PRDM5: variants seen among roughly 807,000 people sequenced by gnomAD.
PRDM5 encodes PR domain zinc finger protein 5.
A neutral mutation model predicts 81.2 loss-of-function variants in PRDM5; 56 were observed. The observed-to-expected ratio is 0.69, with a 90% CI of 0.56 to 0.86. The LOEUF is 0.86. PRDM5 is among the 40% of genes least tolerant of loss of function. PRDM5 has a pLI of 0.00. For missense variants in PRDM5, 697 were observed against 770.1 expected (o/e 0.91, Z 1.12); for synonymous variants, 267 against 256.4 (o/e 1.04, Z -0.39).
intron 13 of PRDM5, among the ~76,000 whole-genome samples, chr4:120,758,759 CTT>C (rs770892664): frequency 4.9e-5 from 7 of 143,746 alleles, no homozygotes; most frequent in Admixed American, 7.0e-5. Flanking sequence ...TCATCCTACT[CTT>C]TTTTTTTTTT....
chr4:120,804,313 T>C (rs1752579302), intron 8 of PRDM5, among the ~76,000 whole-genome samples: 1 of 151,580 alleles, frequency 6.6e-6, no homozygotes, highest in Non-Finnish European at 1.5e-5. Context: ...TTAAAAAGGA[T>C]ATCCAGGAAT....
intron 14 of PRDM5, among the ~76,000 whole-genome samples, chr4:120,748,426 C>G (rs1743466164): frequency 6.6e-6 from 1 of 152,060 alleles, no homozygotes; most frequent in Non-Finnish European, 1.5e-5. Flanking sequence ...AAAAGATCAC[C>G]TAAGCCTAGG....
At position 120,721,641 on chromosome 4, in the gene PRDM5, A is replaced by T. The variant is rs1054263238; in HGVS notation, c.1624-11228T>A. On this transcript the variant is annotated intron_variant, in intron 14 of 15. Transcript: ENST00000264808. ...AGACTGTTTTCCCATTAAGTTGTTA[A>T]GCAATGCTGCAAATTTGCTATGGTT... 1.2e-4 allele frequency among the ~76,000 whole-genome samples: 19 copies of T among 152,380 alleles called. 1 individual carries two copies. The highest frequency in any genetic ancestry group is 6.2e-4 in the South Asian group (3 of 4,832).
intron 8 of PRDM5, among the ~76,000 whole-genome samples, chr4:120,807,071 T>G (rs1226861504): frequency 1.3e-5 from 2 of 152,094 alleles, no homozygotes; most frequent in Admixed American, 1.3e-4. Flanking sequence ...AAAGAAGAGA[T>G]TTATGTAGCC....
At chr4:120,852,781 G>A in intron 3 of PRDM5, among the ~76,000 whole-genome samples, 1 of 142,386 alleles carries the variant, frequency 7.0e-6, no homozygotes, top group African/African-American at 2.6e-5. Context: ...TTAAAAAAAG[G>A]ATATATAAGG....
intron 3 of PRDM5, among the ~76,000 whole-genome samples, chr4:120,826,927 C>T (rs371165503): frequency 2.0e-5 from 3 of 152,042 alleles, no homozygotes; most frequent in Admixed American, 6.5e-5. Context: ...CTTACAGATT[C>T]GAAACAAAAC....
intron 13 of PRDM5, among the ~76,000 whole-genome samples, chr4:120,759,609 G>T (rs1365446030): frequency 6.6e-6 from 1 of 152,130 alleles, no homozygotes; most frequent in East Asian, 1.9e-4. Flanking sequence ...ATGTTTCTAG[G>T]AAATATTTTC....
At chr4:120,721,973 C>T (rs1340578162) in intron 14 of PRDM5, among the ~76,000 whole-genome samples, 3 of 152,128 alleles carry the variant, frequency 2.0e-5, no homozygotes, top group Non-Finnish European at 2.9e-5. Flanking sequence ...CAGAGTTGTC[C>T]GTCTTTGCAG....
At chr4:120,863,470 C>G (rs1760868047) in intron 2 of PRDM5, among the ~76,000 whole-genome samples, 1 of 152,030 alleles carries the variant, frequency 6.6e-6, no homozygotes, top group Non-Finnish European at 1.5e-5. Flanking sequence ...ACAAGGTGAA[C>G]TTAGTTCCAT....
intron 2 of PRDM5, among the ~76,000 whole-genome samples, chr4:120,871,573 G>A (rs926390098): frequency 6.6e-6 from 1 of 152,090 alleles, no homozygotes; most frequent in African/African-American, 2.4e-5. Flanking sequence ...CAAAATGTCC[G>A]TATAAAATCA....
intron 2 of PRDM5, among the ~76,000 whole-genome samples, chr4:120,899,132 G>A (rs1561657448): frequency 6.6e-6 from 1 of 151,942 alleles, no homozygotes; most frequent in East Asian, 1.9e-4. Context: ...CCTCTCTTCA[G>A]CTGATTACTG....
At chr4:120,909,675 A>G (rs1766262726) in intron 1 of PRDM5, among the ~76,000 whole-genome samples, 1 of 151,744 alleles carries the variant, frequency 6.6e-6, no homozygotes. Flanking sequence ...ACTAAAGAGG[A>G]AAGAATAGAA....
chr4:120,773,317 G>A (rs1177544525), intron 13 of PRDM5, among the ~76,000 whole-genome samples: 1 of 152,112 alleles, frequency 6.6e-6, no homozygotes, highest in Admixed American at 6.5e-5. Flanking sequence ...GAATTGTTAG[G>A]AAATATAGGA....
intron 13 of PRDM5, among the ~76,000 whole-genome samples, chr4:120,760,342 C>T (rs1454583809): frequency 2.6e-5 from 4 of 152,070 alleles, no homozygotes; most frequent in Non-Finnish European, 5.9e-5. Context: ...CAAGTGAATC[C>T]AAACACTATC....
At chr4:120,760,183 A>G (rs1026651392) in intron 13 of PRDM5, among the ~76,000 whole-genome samples, 1 of 152,170 alleles carries the variant, frequency 6.6e-6, no homozygotes, top group Non-Finnish European at 1.5e-5. Flanking sequence ...TTCTAAAGTT[A>G]ATGACAATAA....
chr4:120,854,442 A>G (rs1357361214), intron 2 of PRDM5, among the ~76,000 whole-genome samples: 2 of 152,224 alleles, frequency 1.3e-5, no homozygotes, highest in South Asian at 2.1e-4. Context: ...TAACACGAAC[A>G]TACAGGTTAC....
intron 2 of PRDM5, among the ~76,000 whole-genome samples, chr4:120,871,810 G>A (rs558163270): frequency 6.6e-6 from 1 of 151,694 alleles, no homozygotes; most frequent in South Asian, 2.1e-4. Flanking sequence ...TAGAGGAATT[G>A]GAACTTCTGT....
intron 3 of PRDM5, among the ~76,000 whole-genome samples, chr4:120,848,349 G>A (rs1758883701): frequency 6.6e-6 from 1 of 152,056 alleles, no homozygotes; most frequent in South Asian, 2.1e-4. Context: ...TTTTTAAAAA[G>A]TAATCTCAAC....
chr4:120,893,060 G>C (rs1394178500), intron 2 of PRDM5, among the ~76,000 whole-genome samples: 1 of 152,164 alleles, frequency 6.6e-6, no homozygotes, highest in Non-Finnish European at 1.5e-5. Context: ...TCCAGGACCC[G>C]AGGTTTATTA....
Sources: allele counts gnomAD v4.1 joint callset (sites outside exome capture counted in the v4.1 genomes callset), GRCh38; gene constraint gnomAD v4.1.1; transcripts MANE v1.5; gene names NCBI Gene and HGNC (gene_info 2026-07-23, HGNC 2026-07-21).